Variants in COG5 observed in about 807,000 individuals in gnomAD.
The protein encoded by COG5 is conserved oligomeric Golgi complex subunit 5.
Under a neutral mutation model 110.4 loss-of-function variants are expected in COG5, and 86 were observed. That is an observed-to-expected ratio of 0.78 (90% CI 0.65 to 0.93). The LOEUF (loss-of-function observed/expected upper bound fraction) is 0.93, where lower values mean the gene tolerates loss of function less well. COG5 is among the 40% of genes least tolerant of loss of function. COG5 has a pLI of 0.00. For missense variants in COG5, 1,077 were observed against 987.0 expected, an observed-to-expected ratio of 1.09 and a Z score of -1.22; for synonymous variants, 360 against 334.6, an observed-to-expected ratio of 1.08 and a Z score of -0.83.
chr7:107,247,842 G>T (rs1802167136), intron 17 of COG5, among the ~76,000 whole-genome samples: 1 of 152,196 alleles, frequency 6.6e-6, no homozygotes, highest in South Asian at 2.1e-4. Flanking sequence ...TAGGTGTGAT[G>T]TGATCAGATT....
chr7:107,353,760 C>A (rs1314333711), intron 10 of COG5, among the ~76,000 whole-genome samples: 3 of 152,000 alleles, frequency 2.0e-5, no homozygotes, highest in Non-Finnish European at 4.4e-5. Context: ...TATATTCAGA[C>A]CATTTATGCC....
intron 6 of COG5, among the ~76,000 whole-genome samples, chr7:107,467,646 C>T (rs755513405): frequency 2.3e-4 from 35 of 152,114 alleles, no homozygotes; most frequent in Non-Finnish European, 4.9e-4. Flanking sequence ...GCCACTGCAC[C>T]CGGTCTGTAA....
intron 5 of COG5, among the ~76,000 whole-genome samples, chr7:107,544,267 A>AG (rs1195026395): frequency 6.6e-6 from 1 of 152,170 alleles, no homozygotes; most frequent in African/African-American, 2.4e-5. Flanking sequence ...CTCAGGCTCC[A>AG]GGCCCATCCC....
At chr7:107,525,013 C>T (rs1295572402) in intron 6 of COG5, among the ~76,000 whole-genome samples, 1 of 151,928 alleles carries the variant, frequency 6.6e-6, no homozygotes, top group Non-Finnish European at 1.5e-5. Flanking sequence ...CTGCAACCTC[C>T]GCCTCCTGGG....
At chr7:107,246,314 C>A (rs1419990468) in intron 17 of COG5, among the ~76,000 whole-genome samples, 1 of 152,178 alleles carries the variant, frequency 6.6e-6, no homozygotes, top group African/African-American at 2.4e-5. Flanking sequence ...GCAAAGATTT[C>A]ATGACAAAGA....
At chr7:107,548,241 T>C (rs369007168) in intron 4 of COG5, 37 bp downstream of exon 4, 2 of 1,601,508 alleles carry the variant, frequency 1.2e-6, no homozygotes, top group South Asian at 1.1e-5. Context: ...GATAAAAACA[T>C]TCCCATTCCA....
chr7:107,205,339 A>C (rs1170184385), intron 21 of COG5, among the ~76,000 whole-genome samples: 1 of 152,132 alleles, frequency 6.6e-6, no homozygotes, highest in Admixed American at 6.5e-5. Context: ...CTTCATCATC[A>C]AGCTGCTCCC....
At chr7:107,306,934 T>C (rs534975983) in intron 11 of COG5, among the ~76,000 whole-genome samples, 1 of 152,310 alleles carries the variant, frequency 6.6e-6, no homozygotes, top group South Asian at 2.1e-4. Context: ...TCCTCCAAGA[T>C]TATTTGTTTC....
chr7:107,516,314 G>A (rs768038963), intron 6 of COG5, among the ~76,000 whole-genome samples: 1 of 152,118 alleles, frequency 6.6e-6, no homozygotes, highest in African/African-American at 2.4e-5. Context: ...TTTTAAGTGG[G>A]TTGTTGGAGT....
intron 6 of COG5, among the ~76,000 whole-genome samples, chr7:107,415,820 ACACG>A (rs1563021158): frequency 6.1e-5 from 5 of 82,248 alleles, no homozygotes; most frequent in Non-Finnish European, 1.3e-4. Flanking sequence ...ATACACACAT[ACACG>A]TATGTATGTA....
chr7:107,508,049 C>T (rs1293287920), intron 6 of COG5, among the ~76,000 whole-genome samples: 9 of 152,220 alleles, frequency 5.9e-5, no homozygotes, highest in East Asian at 3.9e-4. Context: ...GTGGGTGCAA[C>T]GCACCATGCA....
intron 6 of COG5, among the ~76,000 whole-genome samples, chr7:107,441,444 C>A (rs1794702654): frequency 1.3e-5 from 2 of 151,936 alleles, no homozygotes; most frequent in South Asian, 4.2e-4. Flanking sequence ...GTCGTTTATG[C>A]CTTTTTAGCC....
chr7:107,329,680 C>A (rs970349762), intron 10 of COG5, among the ~76,000 whole-genome samples: 1 of 152,042 alleles, frequency 6.6e-6, no homozygotes, highest in Non-Finnish European at 1.5e-5. Context: ...TCGCTTGAGG[C>A]CAGGAGTTCA....
chr7:107,376,744 G>T (rs1231047642), intron 7 of COG5, among the ~76,000 whole-genome samples: 4 of 151,884 alleles, frequency 2.6e-5, no homozygotes, highest in Admixed American at 2.6e-4. Context: ...ATATCAAATG[G>T]AAAGCCTTAA....
chr7:107,291,967 G>A (rs976218591), intron 12 of COG5, among the ~76,000 whole-genome samples: 8 of 152,180 alleles, frequency 5.3e-5, no homozygotes, highest in African/African-American at 1.9e-4. Context: ...ACTTGGGGAA[G>A]AGAATAGAGG....
chr7:107,203,985 G>A (rs1798557046), intron 21 of COG5, among the ~76,000 whole-genome samples: 1 of 152,188 alleles, frequency 6.6e-6, no homozygotes, highest in South Asian at 2.1e-4. Context: ...CCTACTCCCA[G>A]AGCTCACGAG....
chr7:107,364,220 T>C (rs552861486), intron 8 of COG5, among the ~76,000 whole-genome samples: 14 of 152,190 alleles, frequency 9.2e-5, no homozygotes, highest in Admixed American at 2.6e-4. Flanking sequence ...ATGAAGAAAA[T>C]ATCACATGAA....
At chr7:107,267,246 T>A (rs897621883) in intron 14 of COG5, among the ~76,000 whole-genome samples, 1 of 152,296 alleles carries the variant, frequency 6.6e-6, no homozygotes, top group South Asian at 2.1e-4. Context: ...AGATTACCCA[T>A]GCTCCTGTCA....
At chr7:107,348,376 T>C (rs1366561945) in intron 10 of COG5, among the ~76,000 whole-genome samples, 1 of 152,094 alleles carries the variant, frequency 6.6e-6, no homozygotes, top group Non-Finnish European at 1.5e-5. Context: ...TCATAATCTG[T>C]TCCTTGAAAG....
Sources: allele counts gnomAD v4.1 joint callset (sites outside exome capture counted in the v4.1 genomes callset), GRCh38; gene constraint gnomAD v4.1.1; transcripts MANE v1.5; gene names NCBI Gene and HGNC (gene_info 2026-07-23, HGNC 2026-07-21).